The following TP53BP1 variants were observed in gnomAD, a reference collection of about 807,000 sequenced individuals.
TP53BP1 encodes the protein TP53-binding protein 1.
TP53BP1 carries 61 observed loss-of-function variants against 200.8 expected under a neutral mutation model. The ratio of observed to expected loss-of-function variants is 0.30; its 90% CI spans 0.25 to 0.38. The LOEUF is 0.38. TP53BP1 is among the 10% of genes least tolerant of loss of function. The pLI is 1.00. For synonymous variants in TP53BP1, 822 were observed against 844.3 expected, an observed-to-expected ratio of 0.97 and a Z score of 0.46; for missense variants, 2,144 against 2,371.9, an observed-to-expected ratio of 0.90 and a Z score of 2.00.
chr15:43,488,491 T>G (rs1029612794), intron 4 of TP53BP1, among the ~76,000 whole-genome samples: 1 of 152,216 alleles, frequency 6.6e-6, no homozygotes, highest in African/African-American at 2.4e-5. Context: ...GTATCTTGAC[T>G]GTTGTGGTGA....
At chr15:43,423,898 C>T (rs1179580823) in intron 18 of TP53BP1, among the ~76,000 whole-genome samples, 1 of 151,984 alleles carries the variant, frequency 6.6e-6, no homozygotes, top group African/African-American at 2.4e-5. Flanking sequence ...TCGGTATTTC[C>T]CAGGACTCTG....
intron 22 of TP53BP1, 45 bp from the exon 23 acceptor site, chr15:43,415,854 G>C (rs760299459): frequency 6.5e-7 from 1 of 1,541,180 alleles, no homozygotes; most frequent in Non-Finnish European, 8.9e-7. Context: ...TCTATGGTAT[G>C]AGGCCCTGAA....
At chr15:43,482,601 T>C (rs1019527518) in intron 4 of TP53BP1, among the ~76,000 whole-genome samples, 1 of 152,092 alleles carries the variant, frequency 6.6e-6, no homozygotes, top group East Asian at 1.9e-4. Context: ...ACCCTGTCTC[T>C]ACTAAAAATA....
intron 1 of TP53BP1, among the ~76,000 whole-genome samples, chr15:43,510,209 G>A (rs2079265082): frequency 6.6e-6 from 1 of 152,014 alleles, no homozygotes; most frequent in African/African-American, 2.4e-5. Flanking sequence ...GTCTCCTGAG[G>A]GAGACCCATC....
At position 43,441,551 on chromosome 15, in the gene TP53BP1, T is replaced by C. The variant is rs142024493; in HGVS notation, c.3073A>G (p.Thr1025Ala). The change falls in exon 15 of 28, where the codon ACT (threonine) becomes GCT (alanine). Residue 1025 changes from threonine to alanine, a missense_variant. Thr to Ala is a moderately conservative substitution (Grantham distance 58). Around this residue, in one of 4 missense-constraint regions of TP53BP1, gnomAD observed 1,700 missense variants for 1,710.3 expected, o/e 0.99. Transcript: ENST00000382044. ...PATGERKNGS[T>A]AVAESVASPQ... ...CTGGCAACAGACTCAGCAACAGCAG[T>C]AGATCCATTTTTTCTTTCACCAGTT... 10 of 1,613,516 alleles carry C rather than the reference T, an allele frequency of 6.2e-6. No individual in the cohort carries two copies. The African/African-American group carries it at 8.0e-5, about 13-fold the overall frequency.
intron 1 of TP53BP1, among the ~76,000 whole-genome samples, chr15:43,502,184 A>G (rs987717943): frequency 6.6e-6 from 1 of 152,002 alleles, no homozygotes; most frequent in Non-Finnish European, 1.5e-5. Context: ...TTAGTCAAGC[A>G]TGGTGGCACC....
Position 43,432,645 on chromosome 15 carries a change from CCTT to C in TP53BP1, c.3221_3223del (p.Gln1074_Gly1075delinsArg). ...CTCCAATTTTTCTTTCTCCTCTTCT[CCTT>C]GAGAACTTGGAAAGTGGAGCAAGTT... On this transcript the variant is annotated inframe_deletion, in exon 17 of 28. Transcript: ENST00000382044. The C allele has an allele frequency of 6.2e-7, 1 of 1,605,890 alleles. No homozygotes were observed. Among genetic ancestry groups the C allele is most frequent in the Non-Finnish European group, 8.5e-7 (1 of 1,174,948 alleles).
intron 26 of TP53BP1, 53 bp downstream of exon 26, chr15:43,408,844 A>C: frequency 6.4e-7 from 1 of 1,572,096 alleles, no homozygotes; most frequent in Non-Finnish European, 8.7e-7. Context: ...TCTTCCCTCC[A>C]AAGCTTGCTG....
At chr15:43,408,332 T>G (rs1429413750) in intron 26 of TP53BP1, 1 of 395,424 alleles carries the variant, frequency 2.5e-6, no homozygotes, top group African/African-American at 2.1e-5. Context: ...AACAAAAAAA[T>G]TAGCTGGGTG....
rs567974261 is a variant in TP53BP1, at chr15:43,442,154, C to T, written c.3041-571G>A. ...AGGCTGGAGTGCAGTGGCGCAATCTCGGCTCACTGCAAGCTCTGCCTCCCG... is the reference window on the plus strand; with the variant it reads ...AGGCTGGAGTGCAGTGGCGCAATCTTGGCTCACTGCAAGCTCTGCCTCCCG... On this transcript the variant is annotated intron_variant, in intron 14 of 27. Coordinates refer to ENST00000382044, the MANE Select transcript of TP53BP1 (RefSeq NM_001141980.3). 8.8e-5 allele frequency among the ~76,000 whole-genome samples: 13 copies of T among 147,752 alleles called. No homozygotes were observed. The East Asian group carries it at 2.4e-3, about 27-fold the overall frequency.
At chr15:43,438,210 TAA>T (rs1052658196) in intron 16 of TP53BP1, 112 bp downstream of exon 16, 2 of 837,678 alleles carry the variant, frequency 2.4e-6, no homozygotes, top group Non-Finnish European at 3.7e-6. Context: ...CACTGGGGGT[TAA>T]GTTTCCAACA....
chr15:43,442,116 C>T (rs531180479), intron 14 of TP53BP1, among the ~76,000 whole-genome samples: 31 of 141,058 alleles, frequency 2.2e-4, no homozygotes, highest in Middle Eastern at 3.9e-3. Context: ...GACAGAGTCT[C>T]ACTCTGTCGC....
intron 23 of TP53BP1, chr15:43,415,392 T>C (rs2045239615): frequency 1.5e-6 from 1 of 687,342 alleles, no homozygotes; most frequent in Non-Finnish European, 2.6e-6. Context: ...CCTTGCTATC[T>C]ACCCGCACTA....
chr15:43,468,017 TCA>T (rs2046632057), intron 11 of TP53BP1, among the ~76,000 whole-genome samples: 1 of 152,170 alleles, frequency 6.6e-6, no homozygotes, highest in Admixed American at 6.5e-5. Flanking sequence ...ACTCCTGGTC[TCA>T]AGTGATCCGC....
chr15:43,467,862 T>C (rs1176886378), intron 11 of TP53BP1, among the ~76,000 whole-genome samples: 1 of 151,934 alleles, frequency 6.6e-6, no homozygotes, highest in Non-Finnish European at 1.5e-5. Flanking sequence ...CAGCTCACTG[T>C]AACCTCTGCC....
intron 14 of TP53BP1, among the ~76,000 whole-genome samples, chr15:43,445,045 A>C (rs2046010674): frequency 6.6e-6 from 1 of 152,012 alleles, no homozygotes; most frequent in African/African-American, 2.4e-5. Context: ...AAAATCTGTA[A>C]ACTTGCTCAG....
intron 18 of TP53BP1, among the ~76,000 whole-genome samples, chr15:43,427,500 C>T (rs1214458223): frequency 6.6e-6 from 1 of 152,106 alleles, no homozygotes; most frequent in Non-Finnish European, 1.5e-5. Flanking sequence ...AATAACTAAC[C>T]AATGGTCAAA....
rs2046580600 is a variant in TP53BP1 at position 43,466,345 on chromosome 15, A to ACTCC, written c.1389+3512_1389+3513insGGAG. Among the ~76,000 whole-genome samples, 4 of 152,242 alleles carry ACTCC rather than the reference A, an allele frequency of 2.6e-5. No individual in the cohort carries two copies. The East Asian group carries it at 7.7e-4, about 29-fold the overall frequency. ...AACATCCTGAAAGGAGTTTCTGACA[A>ACTCC]TTGGTGGAGAATCTAGGGTTGATTT... On this transcript the variant is annotated intron_variant, in intron 11 of 27. Transcript: ENST00000382044.
At chr15:43,482,966 T>C (rs544651071) in intron 4 of TP53BP1, among the ~76,000 whole-genome samples, 26 of 152,122 alleles carry the variant, frequency 1.7e-4, no homozygotes, top group African/African-American at 6.0e-4. Context: ...AAATACAAAA[T>C]GTGAACCTGA....
Sources: allele counts gnomAD v4.1 joint callset (sites outside exome capture counted in the v4.1 genomes callset), GRCh38; gene constraint gnomAD v4.1.1; regional missense constraint gnomAD v4.1.1; transcripts MANE v1.5; gene names NCBI Gene and HGNC (gene_info 2026-07-23, HGNC 2026-07-21).